The following AHI1 variants were observed in gnomAD, a reference collection of about 807,000 sequenced individuals.
AHI1 encodes Abelson helper integration site 1, also known as jouberin.
Under a neutral mutation model 149.3 loss-of-function variants are expected in AHI1, and 123 were observed. That is an observed-to-expected ratio of 0.82 (90% CI 0.71 to 0.96). The LOEUF (loss-of-function observed/expected upper bound fraction) is 0.96, where lower values mean the gene tolerates loss of function less well. Ranked by LOEUF, AHI1 falls within the 40% of genes least tolerant of loss-of-function variation. AHI1 has a pLI of 0.00. For missense variants in AHI1, 1,439 were observed against 1,422.7 expected, an observed-to-expected ratio of 1.01 and a Z score of -0.18; for synonymous variants, 475 against 459.8, an observed-to-expected ratio of 1.03 and a Z score of -0.42.
chr6:135,381,554 G>A (rs1308805615), intron 23 of AHI1, among the ~76,000 whole-genome samples: 5 of 152,064 alleles, frequency 3.3e-5, no homozygotes, highest in African/African-American at 7.2e-5. Context: ...CTTACAAAAG[G>A]CCAGCAACGA....
At position 135,318,613 on chromosome 6, in the gene AHI1, A is replaced by C. The variant is rs770197175; in HGVS notation, c.3332T>G (p.Leu1111Arg). 1 of 1,595,244 alleles carries C rather than the reference A, an allele frequency of 6.3e-7. No individual in the cohort carries two copies. Among genetic ancestry groups the C allele is most frequent in the Admixed American group, 1.7e-5 (1 of 57,264 alleles). ...TATCTCAGGAGGCAGTTCTTGATACAGTGCTGAAATTGGAAAAAGGAATTC... is the reference window on the plus strand; with the variant it reads ...TATCTCAGGAGGCAGTTCTTGATACCGTGCTGAAATTGGAAAAAGGAATTC... ...FPANHVASET[L>R]YQELPPEIKE... Residue 1111 changes from leucine (L) to arginine (R), a missense_variant, in exon 26 of 29, where the codon CTG becomes CGG. By Grantham distance (102) the Leu-to-Arg change is moderately radical. Transcript: ENST00000265602.
intron 23 of AHI1, among the ~76,000 whole-genome samples, chr6:135,381,832 T>A (rs1331038281): frequency 6.6e-6 from 1 of 152,216 alleles, no homozygotes; most frequent in Non-Finnish European, 1.5e-5. Context: ...CTGAGGGCTT[T>A]CATCTTCCAT....
At chr6:135,291,939 G>A (rs975535417) in intron 27 of AHI1, among the ~76,000 whole-genome samples, 2 of 152,172 alleles carry the variant, frequency 1.3e-5, no homozygotes, top group African/African-American at 2.4e-5. Flanking sequence ...ACAATGGACT[G>A]TGGCAAACTG....
intron 8 of AHI1, among the ~76,000 whole-genome samples, chr6:135,460,532 A>C (rs1789708207): frequency 6.6e-6 from 1 of 152,194 alleles, no homozygotes; most frequent in East Asian, 1.9e-4. Flanking sequence ...CTAGATCAAA[A>C]TCACAGCTTG....
intron 24 of AHI1, among the ~76,000 whole-genome samples, chr6:135,345,890 A>C (rs1232677236): frequency 1.3e-5 from 2 of 152,248 alleles, no homozygotes; most frequent in Non-Finnish European, 2.9e-5. Context: ...GGTTATGATG[A>C]AGAAAGAAAC....
chr6:135,436,093 T>C (rs1370095794), intron 15 of AHI1, among the ~76,000 whole-genome samples: 1 of 152,086 alleles, frequency 6.6e-6, no homozygotes, highest in Non-Finnish European at 1.5e-5. Flanking sequence ...GTCAAATTCA[T>C]AAAAAAGGTG....
At chr6:135,448,615 TTAAA>T (rs1279240687) in intron 11 of AHI1, 140 bp from the exon 12 acceptor site, 6 of 654,986 alleles carry the variant, frequency 9.2e-6, no homozygotes, top group South Asian at 4.6e-5. Context: ...GCAAAGAACA[TTAAA>T]TAGTTAGTTA....
In AHI1 at chr6:135,457,552, T is replaced by C. The variant is rs888935350; in HGVS notation, c.1093A>G (p.Met365Val). The change falls in exon 9 of 29, where the codon ATG becomes GTG. Residue 365 changes from methionine to valine, a missense_variant. Transcript: ENST00000265602. ...LKSDFMISHP[M>V]VKIHVVDEHT... ...TCATCAACCACATGAATTTTTACCA[T>C]TGGGTGAGAAATCATAAAATCTGAC... The C allele has an allele frequency of 1.9e-6, 3 of 1,613,910 alleles. No homozygotes were observed. Among genetic ancestry groups the C allele is most frequent in the East Asian group, 2.2e-5 (1 of 44,858 alleles).
At chr6:135,355,418 A>G (rs930095871) in intron 24 of AHI1, among the ~76,000 whole-genome samples, 4 of 152,262 alleles carry the variant, frequency 2.6e-5, no homozygotes, top group African/African-American at 9.6e-5. Flanking sequence ...AAAGGAAACA[A>G]GTGAATTAAA....
intron 15 of AHI1, chr6:135,435,380 A>G (rs1440806766): frequency 2.0e-5 from 3 of 152,196 alleles, no homozygotes; most frequent in Non-Finnish European, 2.9e-5. Flanking sequence ...CTGGATTTTA[A>G]ATAATAACTA....
In AHI1 at chr6:135,482,456, C is replaced by A. The variant is rs934157786; in HGVS notation, c.135+8167G>T. Among the ~76,000 whole-genome samples, 11 of 151,816 alleles carry A rather than the reference C, an allele frequency of 7.2e-5. No individual in the cohort carries two copies. In the East Asian group the frequency reaches 2.1e-3, roughly 29 times the overall value. ...CTCTTATAAACCTGGACAGGCCATGCCAGCCCACCACTGTTTTTTTTTTTG... is the reference window on the plus strand; with the variant it reads ...CTCTTATAAACCTGGACAGGCCATGACAGCCCACCACTGTTTTTTTTTTTG... On this transcript the variant is annotated intron_variant, in intron 5 of 28. Coordinates refer to ENST00000265602, the MANE Select transcript of AHI1 (RefSeq NM_001134831.2).
chr6:135,393,448 G>A (rs1324493073), intron 23 of AHI1, among the ~76,000 whole-genome samples: 1 of 152,098 alleles, frequency 6.6e-6, no homozygotes. Context: ...GGATAGAGTG[G>A]TGGAGAGAGG....
intron 15 of AHI1, among the ~76,000 whole-genome samples, chr6:135,433,902 TG>T (rs1562761220): frequency 6.6e-6 from 1 of 151,998 alleles, no homozygotes; most frequent in African/African-American, 2.4e-5. Flanking sequence ...CTCTAAATAA[TG>T]GCTAACTAAA....
At chr6:135,399,753 A>C (rs1583034534) in intron 22 of AHI1, among the ~76,000 whole-genome samples, 1 of 151,756 alleles carries the variant, frequency 6.6e-6, no homozygotes, top group South Asian at 2.1e-4. Flanking sequence ...TTTCTTAGGG[A>C]AAGCCATCAT....
intron 27 of AHI1, among the ~76,000 whole-genome samples, chr6:135,300,190 AG>A (rs559643849): frequency 1.3e-5 from 2 of 151,882 alleles, no homozygotes; most frequent in South Asian, 4.2e-4. Flanking sequence ...CTGGGTGCGG[AG>A]GTGCGTGCCT....
In AHI1 at chr6:135,433,232, ATTGT is replaced by A; in HGVS notation, c.2057_2060del (p.Asn686IlefsTer23). On this transcript the variant is annotated frameshift_variant, in exon 16 of 29. Transcript: ENST00000265602. LOFTEE classifies it high-confidence loss of function. ...GAGGTAAAACTCTGAAAGTATTTGT[ATTGT>A]TTATTTCATTTTTCCATATCCTGGA... 6.2e-7 allele frequency: 1 copy of A among 1,607,600 alleles called. No individual in the cohort carries two copies. The highest frequency in any genetic ancestry group is 8.5e-7 in the Non-Finnish European group (1 of 1,174,510).
chr6:135,428,064 C>T (rs1547079), intron 19 of AHI1, among the ~76,000 whole-genome samples: 125,312 of 151,344 alleles, frequency 0.83, 54,079 homozygotes, highest in East Asian at 0.97. Flanking sequence ...TTTTATGAAA[C>T]TCTCTCAATT....
chr6:135,316,143 A>G (rs1388539368), intron 26 of AHI1, among the ~76,000 whole-genome samples: 1 of 152,082 alleles, frequency 6.6e-6, no homozygotes, highest in Non-Finnish European at 1.5e-5. Context: ...AGCAAGACTG[A>G]TCTGTCAACC....
At chr6:135,371,776 C>T (rs1262536202) in intron 23 of AHI1, among the ~76,000 whole-genome samples, 2 of 152,142 alleles carry the variant, frequency 1.3e-5, no homozygotes, top group African/African-American at 4.8e-5. Context: ...ATGAAGTTTT[C>T]CTGGGATCTC....
Sources: gnomAD v4.1 joint callset for allele counts (sites outside exome capture counted in the v4.1 genomes callset) on GRCh38, gnomAD v4.1.1 for gene constraint, MANE v1.5 for transcripts, NCBI Gene and HGNC (gene_info 2026-07-23, HGNC 2026-07-21) for gene names.